The following SLC36A1 variants were observed in gnomAD, a reference collection of about 807,000 sequenced individuals.
SLC36A1 encodes the protein solute carrier family 36 member 1, also known as proton-coupled amino acid transporter 1.
SLC36A1 carries 30 observed loss-of-function variants against 47.5 expected under a neutral mutation model. That is an observed-to-expected ratio of 0.63 (90% CI 0.47 to 0.86). SLC36A1 has a LOEUF of 0.86. SLC36A1 is among the 40% of genes least tolerant of loss of function. SLC36A1 has a pLI of 0.00. For synonymous variants in SLC36A1, 255 were observed against 249.7 expected (o/e 1.02, Z -0.20); for missense variants, 517 against 606.0 (o/e 0.85, Z 1.54).
chr5:151,437,980 TCTC>T (rs1339405508), intron 1 of SLC36A1, among the ~76,000 whole-genome samples: 1 of 152,088 alleles, frequency 6.6e-6, no homozygotes, highest in African/African-American at 2.4e-5. Flanking sequence ...TAGAAACTTC[TCTC>T]CTCTCTGACC....
At chr5:151,505,453 G>A in the SLC36A1 span, 360 of 1,304,320 alleles carry the variant, frequency 2.8e-4, no homozygotes, top group Non-Finnish European at 3.7e-4. Flanking sequence ...CCTGGGCTGA[G>A]GGCTTCCCTC....
the SLC36A1 span, among the ~76,000 whole-genome samples, chr5:151,423,287 A>T: frequency 1.3e-5 from 2 of 152,220 alleles, no homozygotes; most frequent in Non-Finnish European, 2.9e-5. Flanking sequence ...ATTCCTTGGT[A>T]TTTACCCAAA....
chr5:151,505,242 G>T, the SLC36A1 span: 6 of 436,372 alleles, frequency 1.4e-5, 1 homozygote, highest in South Asian at 1.6e-4. Context: ...CTGCCCCGGG[G>T]ACTGAGAGCC....
At chr5:151,395,114 C>T in the SLC36A1 span, among the ~76,000 whole-genome samples, 4 of 152,222 alleles carry the variant, frequency 2.6e-5, no homozygotes, top group Admixed American at 2.6e-4. Context: ...GGTTGGCACC[C>T]CTCCCACAGC....
the SLC36A1 span, among the ~76,000 whole-genome samples, chr5:151,374,958 A>G: frequency 1.3e-5 from 2 of 150,722 alleles, no homozygotes; most frequent in African/African-American, 2.4e-5. Flanking sequence ...TCTGGATATC[A>G]GTCCCCTGTT....
At chr5:151,421,074 C>T in the SLC36A1 span, among the ~76,000 whole-genome samples, 3 of 151,582 alleles carry the variant, frequency 2.0e-5, no homozygotes, top group East Asian at 1.9e-4. Flanking sequence ...GGGGTTTCAC[C>T]GTGTTAGCCA....
At chr5:151,396,351 T>A in the SLC36A1 span, among the ~76,000 whole-genome samples, 1 of 147,816 alleles carries the variant, frequency 6.8e-6, no homozygotes, top group African/African-American at 2.5e-5. Context: ...TCCACCCGTC[T>A]CGGCCTGCCA....
chr5:151,507,203 G>A, the SLC36A1 span: 16 of 1,610,654 alleles, frequency 9.9e-6, no homozygotes, highest in Middle Eastern at 1.7e-4. Context: ...CATTGTCAGA[G>A]TGGGAAGGGA....
chr5:151,509,868 G>T, the SLC36A1 span: 5 of 835,016 alleles, frequency 6.0e-6, no homozygotes, highest in East Asian at 2.5e-5. Flanking sequence ...TGCCAAAAAG[G>T]TTGGGGACCA....
chr5:151,505,953 C>A, the SLC36A1 span: 1 of 1,576,046 alleles, frequency 6.3e-7, no homozygotes, highest in Admixed American at 2.0e-5. Context: ...CCCATAGAGG[C>A]CATTAGGCTC....
At chr5:151,544,530 C>G in the SLC36A1 span, 1 of 1,613,712 alleles carries the variant, frequency 6.2e-7, no homozygotes, top group Non-Finnish European at 8.5e-7. Context: ...GCCGGAGTCC[C>G]TCTGGACTCC....
chr5:151,494,850 G>T (rs1480131977), downstream of SLC36A1, among the ~76,000 whole-genome samples: 1 of 152,094 alleles, frequency 6.6e-6, no homozygotes, highest in African/African-American at 2.4e-5. Flanking sequence ...TATGTTATGA[G>T]GGCAACTTGA....
At chr5:151,553,335 T>A in the SLC36A1 span, 4 of 1,614,270 alleles carry the variant, frequency 2.5e-6, no homozygotes, top group Non-Finnish European at 3.4e-6. Flanking sequence ...CCACTCAATG[T>A]GTAGCCGGAC....
chr5:151,457,633 C>T (rs1249554628), intron 1 of SLC36A1, among the ~76,000 whole-genome samples: 1 of 152,146 alleles, frequency 6.6e-6, no homozygotes, highest in Non-Finnish European at 1.5e-5. Context: ...CTCTGAGCTG[C>T]TTTCAGCTAC....
chr5:151,497,353 G>T (rs1760375866), downstream of SLC36A1, among the ~76,000 whole-genome samples: 1 of 152,132 alleles, frequency 6.6e-6, no homozygotes, highest in African/African-American at 2.4e-5. Context: ...TGATCGTATA[G>T]TTTTTCTTTT....
chr5:151,526,579 CA>C, the SLC36A1 span, among the ~76,000 whole-genome samples: 1 of 152,368 alleles, frequency 6.6e-6, no homozygotes, highest in East Asian at 1.9e-4. Flanking sequence ...GCCTATCCAA[CA>C]GACATTCTCT....
At chr5:151,407,692 C>T in the SLC36A1 span, among the ~76,000 whole-genome samples, 1 of 152,196 alleles carries the variant, frequency 6.6e-6, no homozygotes, top group Non-Finnish European at 1.5e-5. Flanking sequence ...GTATATAATA[C>T]AGTGGGGTGT....
At chr5:151,508,709 C>CAAAA in the SLC36A1 span, among the ~76,000 whole-genome samples, 1,519 of 110,094 alleles carry the variant, frequency 0.014, 26 homozygotes, top group African/African-American at 0.047. Flanking sequence ...AACTCCTTCT[C>CAAAA]AAAAAAAAAA....
chr5:151,344,619 T>C, the SLC36A1 span, among the ~76,000 whole-genome samples: 1 of 152,226 alleles, frequency 6.6e-6, no homozygotes, highest in South Asian at 2.1e-4. Flanking sequence ...AGAGATTTGT[T>C]AATGACTTAT....
Sources: gnomAD v4.1 joint callset for allele counts (sites outside exome capture counted in the v4.1 genomes callset) on GRCh38, gnomAD v4.1.1 for gene constraint, MANE v1.5 for transcripts, NCBI Gene and HGNC (gene_info 2026-07-23, HGNC 2026-07-21) for gene names.